The following IL19 variants were observed in gnomAD, a reference collection of about 807,000 sequenced individuals.
IL19 encodes the protein interleukin-19.
A neutral mutation model predicts 19.5 loss-of-function variants in IL19; 15 were observed. The observed-to-expected ratio is 0.77, with a 90% CI of 0.52 to 1.19. The LOEUF (loss-of-function observed/expected upper bound fraction) is 1.19. Among genes scored for constraint, IL19 ranks in the 50% most tolerant of loss-of-function variants. The probability of loss-of-function intolerance (pLI) is 0.00; values close to 1 mark genes in which losing one functional copy is unlikely to be tolerated. For synonymous variants in IL19, 78 were observed against 78.3 expected (o/e 1.00, Z 0.02); for missense variants, 199 against 213.1 (o/e 0.93, Z 0.41).
chr1:206,837,575 G>T (rs548350695), intron 4 of IL19, among the ~76,000 whole-genome samples: 8 of 152,312 alleles, frequency 5.3e-5, no homozygotes, highest in Admixed American at 1.3e-4. Context: ...TAGGCTGGGT[G>T]CAGTGGCTTA....
intron 2 of IL19, among the ~76,000 whole-genome samples, chr1:206,805,845 T>A (rs1675831978): frequency 6.6e-6 from 1 of 152,142 alleles, no homozygotes; most frequent in Non-Finnish European, 1.5e-5. Context: ...TCATCAGGAG[T>A]CTGGATCGTG....
intron 2 of IL19, among the ~76,000 whole-genome samples, chr1:206,821,477 A>G (rs555988886): frequency 9.9e-5 from 15 of 152,256 alleles, no homozygotes; most frequent in Non-Finnish European, 1.5e-4. Flanking sequence ...TTGCTCTCCC[A>G]TTAGGGTTTT....
At chr1:206,775,212 TTTTA>T (rs1674961371) in intron 1 of IL19, among the ~76,000 whole-genome samples, 1 of 151,846 alleles carries the variant, frequency 6.6e-6, no homozygotes, top group Non-Finnish European at 1.5e-5. Flanking sequence ...GGCTAAGTTT[TTTTA>T]TTTTTTTTTG....
At chr1:206,773,941 C>T (rs1001440172) in intron 1 of IL19, among the ~76,000 whole-genome samples, 1 of 152,206 alleles carries the variant, frequency 6.6e-6, no homozygotes, top group Non-Finnish European at 1.5e-5. Flanking sequence ...TAGCACCTGT[C>T]CTCCTGCCTG....
At chr1:206,771,930 G>T (rs45499395) in intron 1 of IL19, among the ~76,000 whole-genome samples, 3 of 152,196 alleles carry the variant, frequency 2.0e-5, no homozygotes, top group African/African-American at 7.2e-5. Context: ...TTTCCCTGCT[G>T]CAAGGCATGG....
At chr1:206,813,941 T>C (rs973200931) in intron 2 of IL19, among the ~76,000 whole-genome samples, 29 of 152,166 alleles carry the variant, frequency 1.9e-4, no homozygotes, top group African/African-American at 7.0e-4. Flanking sequence ...AAATTAGCTC[T>C]TGCGTGACAG....
At chr1:206,800,350 C>G (rs1272884476) in intron 2 of IL19, among the ~76,000 whole-genome samples, 1 of 152,130 alleles carries the variant, frequency 6.6e-6, no homozygotes, top group Non-Finnish European at 1.5e-5. Flanking sequence ...CTCCCTGGGG[C>G]AGGGCAGTGG....
chr1:206,827,676 G>A lies in IL19; in HGVS notation c.-2-8985G>A, dbSNP rs184282905. Among the ~76,000 whole-genome samples, 1,125 of 147,624 alleles carry A rather than the reference G, an allele frequency of 7.6e-3. 18 individuals are homozygous for A. The highest frequency in any genetic ancestry group is 0.026 in the African/African-American group (1,041 of 39,974). On this transcript the variant is annotated intron_variant, in intron 2 of 6. Coordinates refer to ENST00000659997, the MANE Select transcript of IL19 (RefSeq NM_153758.5). ...ACTGCACTCCAGCCTGGGTGACAGCGAGACTCCGTCTCAAAAAACAAAACA... is the reference window on the plus strand; with the variant it reads ...ACTGCACTCCAGCCTGGGTGACAGCAAGACTCCGTCTCAAAAAACAAAACA...
chr1:206,810,848 C>T (rs987924407), intron 2 of IL19, among the ~76,000 whole-genome samples: 2 of 152,256 alleles, frequency 1.3e-5, no homozygotes, highest in African/African-American at 2.4e-5. Context: ...CTCAGAGTAA[C>T]GAGTGAGTTC....
At chr1:206,833,920 A>G (rs940544413) in intron 2 of IL19, 2 of 985,442 alleles carry the variant, frequency 2.0e-6, no homozygotes, top group Non-Finnish European at 2.4e-6. Context: ...GGCATTGGAG[A>G]ACTGGATCGT....
intron 2 of IL19, chr1:206,834,008 T>C (rs917723188): frequency 4.1e-6 from 4 of 985,306 alleles, no homozygotes; most frequent in African/African-American, 3.5e-5. Context: ...CTTTTGTGAG[T>C]TGGCCTGCAG....
rs183483075 is a variant in IL19 at position 206,836,609 on chromosome 1, T to C, written c.-2-52T>C. ...GGAGCGTCAATCAGGGGTCTTCTTT[T>C]TCATTGCCCTCCACTCTTGGCTGGA... On this transcript the variant is annotated intron_variant, in intron 2 of 6. Coordinates refer to ENST00000659997, the MANE Select transcript of IL19 (RefSeq NM_153758.5). 41 of 1,531,708 alleles carry C rather than the reference T, an allele frequency of 2.7e-5. No homozygotes were observed. In the East Asian group the frequency reaches 8.2e-4, roughly 31 times the overall value. 94.9% of individuals were successfully genotyped at this position (1,531,708 alleles called of 1,614,324 possible).
chr1:206,771,532 CA>C (rs1009464908), intron 1 of IL19: 4 of 801,758 alleles, frequency 5.0e-6, no homozygotes, highest in Non-Finnish European at 4.2e-6. Flanking sequence ...GGCTCTGGCC[CA>C]AAAAAATCAA....
chr1:206,788,882 C>T (rs1245350651), intron 1 of IL19, among the ~76,000 whole-genome samples: 1 of 152,212 alleles, frequency 6.6e-6, no homozygotes, highest in African/African-American at 2.4e-5. Flanking sequence ...TATCTTTCTT[C>T]ATTCCTTTTT....
At chr1:206,794,124 A>G (rs1003413311) in intron 1 of IL19, among the ~76,000 whole-genome samples, 2 of 152,142 alleles carry the variant, frequency 1.3e-5, no homozygotes, top group Non-Finnish European at 2.9e-5. Flanking sequence ...TTTCATCACC[A>G]TCACCTTCAA....
At chr1:206,781,115 C>T (rs1361669944) in intron 1 of IL19, among the ~76,000 whole-genome samples, 1 of 151,982 alleles carries the variant, frequency 6.6e-6, no homozygotes, top group Non-Finnish European at 1.5e-5. Flanking sequence ...CACTGCAGTA[C>T]CCCTACAGGA....
chr1:206,834,085 T>C (rs1160099117), intron 2 of IL19: 1 of 985,440 alleles, frequency 1.0e-6, no homozygotes, highest in East Asian at 1.1e-4. Flanking sequence ...TGCATGGACA[T>C]AGAATTGCAA....
intron 1 of IL19, among the ~76,000 whole-genome samples, chr1:206,782,055 ATACATATATG>A (rs1675161215): frequency 1.6e-5 from 1 of 61,010 alleles, no homozygotes; most frequent in South Asian, 4.0e-4. Context: ...ATAGTTATAT[ATACATATATG>A]TGTAAACATT....
At chr1:206,776,909 C>CAAAAAAAAAAA (rs1186364224) in intron 1 of IL19, among the ~76,000 whole-genome samples, 2 of 50,452 alleles carry the variant, frequency 4.0e-5, no homozygotes, top group African/African-American at 7.8e-5. Flanking sequence ...CTTGCAACTA[C>CAAAAAAAAAAA]AAAAAAAAAA....
Sources: allele counts gnomAD v4.1 joint callset (sites outside exome capture counted in the v4.1 genomes callset), GRCh38; gene constraint gnomAD v4.1.1; transcripts MANE v1.5; gene names NCBI Gene and HGNC (gene_info 2026-07-23, HGNC 2026-07-21).